The following MKLN1 variants were observed in gnomAD, a reference collection of about 807,000 sequenced individuals.
MKLN1 encodes muskelin 1.
MKLN1 carries 18 observed loss-of-function variants against 99.0 expected under a neutral mutation model. That is an observed-to-expected ratio of 0.18 (90% CI 0.13 to 0.27). MKLN1 has a LOEUF of 0.27. Among genes scored for constraint, MKLN1 ranks in the 10% least tolerant of loss-of-function variants. MKLN1 has a pLI of 1.00. For synonymous variants in MKLN1, 288 were observed against 293.2 expected, an observed-to-expected ratio of 0.98 and a Z score of 0.18; for missense variants, 621 against 875.9, an observed-to-expected ratio of 0.71 and a Z score of 3.67.
intron 1 of MKLN1, among the ~76,000 whole-genome samples, chr7:131,329,878 A>G (rs2116690255): frequency 6.6e-6 from 1 of 152,376 alleles, no homozygotes; most frequent in East Asian, 1.9e-4. Context: ...CATACATAAA[A>G]TAGTATTTAA....
intron 1 of MKLN1, among the ~76,000 whole-genome samples, chr7:131,121,781 A>G (rs1315064556): frequency 6.6e-6 from 1 of 152,076 alleles, no homozygotes; most frequent in Non-Finnish European, 1.5e-5. Context: ...AGTTGTAGAT[A>G]TGGGTGTGAG....
intron 2 of MKLN1, among the ~76,000 whole-genome samples, chr7:131,187,896 C>T (rs1410360693): frequency 5.3e-5 from 8 of 152,074 alleles, no homozygotes; most frequent in Non-Finnish European, 1.0e-4. Context: ...GTGGAGGTTG[C>T]AGTGAGCTGA....
At chr7:131,205,037 G>A (rs1796788491) in intron 3 of MKLN1, among the ~76,000 whole-genome samples, 1 of 151,742 alleles carries the variant, frequency 6.6e-6, no homozygotes, top group Non-Finnish European at 1.5e-5. Flanking sequence ...GGCAAAGGTT[G>A]CAGTGAGCCA....
At chr7:131,141,165 C>T (rs192217318) in intron 1 of MKLN1, among the ~76,000 whole-genome samples, 2 of 152,250 alleles carry the variant, frequency 1.3e-5, no homozygotes, top group South Asian at 2.1e-4. Context: ...CAGGGCATCT[C>T]ATTCATCGCT....
intron 1 of MKLN1, among the ~76,000 whole-genome samples, chr7:131,112,633 G>A (rs1795217503): frequency 6.6e-6 from 1 of 152,166 alleles, no homozygotes; most frequent in Admixed American, 6.5e-5. Context: ...CAACTCCTGG[G>A]CTCAAGCAAG....
intron 2 of MKLN1, among the ~76,000 whole-genome samples, chr7:131,148,384 A>G (rs1403072142): frequency 6.6e-6 from 1 of 152,192 alleles, no homozygotes; most frequent in African/African-American, 2.4e-5. Flanking sequence ...TTCAATACCT[A>G]TATATTAACA....
intron 1 of MKLN1, among the ~76,000 whole-genome samples, chr7:131,119,832 T>G (rs558612546): frequency 5.3e-4 from 81 of 152,322 alleles, no homozygotes; most frequent in African/African-American, 1.7e-3. Context: ...GCTATTCACA[T>G]TTGGCTCTTC....
intron 1 of MKLN1, among the ~76,000 whole-genome samples, chr7:131,361,358 C>T (rs1800022529): frequency 6.6e-6 from 1 of 151,496 alleles, no homozygotes; most frequent in Non-Finnish European, 1.5e-5. Context: ...GAACTTTCAG[C>T]TGTCATATCT....
intron 3 of MKLN1, among the ~76,000 whole-genome samples, chr7:131,234,594 G>A (rs776195236): frequency 6.6e-6 from 1 of 152,164 alleles, no homozygotes; most frequent in Non-Finnish European, 1.5e-5. Context: ...GAGAAAAAAT[G>A]ATGTGTGGAC....
rs146723492 is a variant in MKLN1, at chr7:131,128,627, A to G, written c.-418-14193A>G. On this transcript the variant is annotated intron_variant, in intron 1 of 7. Coordinates refer to the MKLN1 transcript ENST00000416992. Reference sequence around the variant, plus strand: ...AATTAAAAGATACATGAGAAATTCTAGATTTTTTTTCATAGGGTCTTGTTC... The same window carrying G: ...AATTAAAAGATACATGAGAAATTCTGGATTTTTTTTCATAGGGTCTTGTTC... Among the ~76,000 whole-genome samples the G allele has an allele frequency of 4.5e-4, 69 of 152,310 alleles. 1 individual carries two copies. The highest frequency in any genetic ancestry group is 3.4e-3 in the Middle Eastern group (1 of 294).
chr7:131,129,509 G>T (rs190036716), intron 1 of MKLN1, among the ~76,000 whole-genome samples: 92 of 152,308 alleles, frequency 6.0e-4, no homozygotes, highest in African/African-American at 2.1e-3. Context: ...TTCCCATGAT[G>T]AAATCTATGT....
At position 131,489,849 on chromosome 7, in the gene MKLN1, C is replaced by A. The variant is rs1797379727; in HGVS notation, c.*2121C>A. The A allele has an allele frequency of 1.3e-5, 2 of 152,108 alleles. No homozygotes were observed. Among genetic ancestry groups the A allele is most frequent in the Admixed American group, 6.6e-5 (1 of 15,244 alleles). The allele number at this position is 152,108 out of a possible 1,614,324, so 9.4% of individuals were successfully genotyped here. A position where few individuals can be genotyped will look rare whatever the true frequency, so the allele number is the denominator to read the frequency against. ...TGTTTGTTTTAATTTCATCTTCCCT[C>A]ACTTTATTTAGGTAGAATTTTTCCC... On this transcript the variant is annotated 3_prime_UTR_variant, in exon 18 of 18. Transcript: ENST00000352689.
At chr7:131,466,926 C>T (rs199903476) in intron 15 of MKLN1, among the ~76,000 whole-genome samples, 10 of 120,194 alleles carry the variant, frequency 8.3e-5, no homozygotes, top group Non-Finnish European at 1.1e-4. Flanking sequence ...CACACACACG[C>T]GCGCGCGCGC....
intron 8 of MKLN1, among the ~76,000 whole-genome samples, chr7:131,421,080 C>G (rs1795177629): frequency 6.6e-6 from 1 of 152,160 alleles, no homozygotes; most frequent in Non-Finnish European, 1.5e-5. Context: ...CTGTAATTAT[C>G]ATTACTTCGG....
intron 1 of MKLN1, among the ~76,000 whole-genome samples, chr7:131,128,981 A>G (rs1294430331): frequency 6.6e-6 from 1 of 150,430 alleles, no homozygotes; most frequent in Non-Finnish European, 1.5e-5. Context: ...TGTATATGAC[A>G]AGCGGTAGTG....
At chr7:131,362,815 T>A (rs1331194383) in intron 1 of MKLN1, among the ~76,000 whole-genome samples, 2 of 151,884 alleles carry the variant, frequency 1.3e-5, no homozygotes, top group African/African-American at 4.8e-5. Context: ...TGGGGGAGGA[T>A]TTTTAAAAAT....
intron 3 of MKLN1, among the ~76,000 whole-genome samples, chr7:131,260,323 T>A (rs1266770025): frequency 6.6e-6 from 1 of 152,160 alleles, no homozygotes; most frequent in Admixed American, 6.5e-5. Flanking sequence ...ATCAGCAGCA[T>A]TTTTATATTC....
chr7:131,240,490 G>A (rs549459729), intron 3 of MKLN1, among the ~76,000 whole-genome samples: 19 of 151,966 alleles, frequency 1.3e-4, no homozygotes, highest in African/African-American at 3.9e-4. Context: ...AAAATGAAGA[G>A]AGATAAATGA....
At chr7:131,116,528 G>A (rs1282844235) in intron 1 of MKLN1, among the ~76,000 whole-genome samples, 3 of 152,106 alleles carry the variant, frequency 2.0e-5, no homozygotes, top group East Asian at 3.9e-4. Context: ...TTCTACATAT[G>A]CACTCCCTTG....
Sources: allele counts gnomAD v4.1 joint callset (sites outside exome capture counted in the v4.1 genomes callset), GRCh38; gene constraint gnomAD v4.1.1; transcripts MANE v1.5; gene names NCBI Gene and HGNC (gene_info 2026-07-23, HGNC 2026-07-21).